CSMD1: variants seen among roughly 807,000 people sequenced by gnomAD.
CSMD1 encodes the protein CUB and sushi domain-containing protein 1.
Under a neutral mutation model 417.5 loss-of-function variants are expected in CSMD1, and 213 were observed. The observed-to-expected ratio is 0.51, with a 90% CI of 0.46 to 0.57. The LOEUF is 0.57. Ranked by LOEUF, CSMD1 falls within the 20% of genes least tolerant of loss-of-function variation. The pLI is 0.00. For missense variants in CSMD1, 6,923 were observed against 4,529.7 expected (o/e 1.53, Z -15.17); for synonymous variants, 2,862 against 1,736.8 (o/e 1.65, Z -16.11).
chr8:4,575,849 C>T (rs905149469), intron 2 of CSMD1, among the ~76,000 whole-genome samples: 1 of 152,128 alleles, frequency 6.6e-6, no homozygotes, highest in Non-Finnish European at 1.5e-5. Flanking sequence ...TCATCTCAGT[C>T]GCCTTCTAAA....
At chr8:3,232,008 A>G (rs769798575) in intron 26 of CSMD1, among the ~76,000 whole-genome samples, 14 of 152,222 alleles carry the variant, frequency 9.2e-5, no homozygotes, top group Non-Finnish European at 1.8e-4. Flanking sequence ...ATTGAAATAT[A>G]TACATGTGTG....
chr8:4,196,931 ATTTG>A (rs1344625152), intron 3 of CSMD1, among the ~76,000 whole-genome samples: 5 of 152,272 alleles, frequency 3.3e-5, no homozygotes, highest in South Asian at 2.1e-4. Context: ...TCATGTTAAA[ATTTG>A]TTTGTTCTTT....
intron 2 of CSMD1, among the ~76,000 whole-genome samples, chr8:4,451,825 T>C (rs1023626111): frequency 6.6e-6 from 1 of 152,072 alleles, no homozygotes; most frequent in Non-Finnish European, 1.5e-5. Context: ...CTTACCACAG[T>C]GAGTTTTGTT....
Position 4,384,158 on chromosome 8 carries a change from G to C in CSMD1, c.415+35795C>G, listed in dbSNP as rs1374060691. On this transcript the variant is annotated intron_variant, in intron 3 of 69. Transcript: ENST00000635120. Reference sequence around the variant, plus strand: ...TACTTGAGCCTCCTCCCTTGGGAATGCCAGGATTCTCTAAGAAAGACATCC... The same window carrying C: ...TACTTGAGCCTCCTCCCTTGGGAATCCCAGGATTCTCTAAGAAAGACATCC... 2.0e-5 allele frequency among the ~76,000 whole-genome samples: 3 copies of C among 152,138 alleles called. No individual in the cohort carries two copies. In the East Asian group the frequency reaches 5.8e-4, roughly 29 times the overall value.
Position 2,951,136 on chromosome 8 carries a change from C to T in CSMD1, c.10179G>A (p.Ser3393=), listed in dbSNP as rs767535238. The stretch of plus-strand genomic sequence containing the variant: ...TACCTGTCAACTTCAGCTCCACTGG[C>T]GAGGCTTCGCTGAAGGTGGCATTCA... The part of the protein sequence containing the change: ...SKVNATFSEA[S]PVELKLTGIY... Residue 3393 remains serine (S), a synonymous_variant, in exon 66 of 70, where the codon TCG becomes TCA. Coordinates refer to ENST00000635120, the MANE Select transcript of CSMD1 (RefSeq NM_033225.6). 5.8e-5 allele frequency: 93 copies of T among 1,613,018 alleles called. No homozygotes were observed. Among genetic ancestry groups the T allele is most frequent in the Non-Finnish European group, 7.0e-5 (82 of 1,179,452 alleles).
At chr8:3,506,646 C>T (rs1339703292) in intron 10 of CSMD1, among the ~76,000 whole-genome samples, 2 of 152,158 alleles carry the variant, frequency 1.3e-5, no homozygotes, top group Non-Finnish European at 2.9e-5. Flanking sequence ...AAACTTACAT[C>T]TGCATATTCA....
chr8:3,994,120 T>C (rs938136727), intron 5 of CSMD1, among the ~76,000 whole-genome samples: 2 of 152,202 alleles, frequency 1.3e-5, no homozygotes, highest in Non-Finnish European at 2.9e-5. Context: ...GTCATGGAAG[T>C]TAAGAATCGA....
At chr8:3,369,642 T>A (rs766810226) in intron 18 of CSMD1, among the ~76,000 whole-genome samples, 6 of 152,136 alleles carry the variant, frequency 3.9e-5, no homozygotes, top group African/African-American at 9.7e-5. Context: ...AGCCTCAGAA[T>A]TGCAGACATG....
intron 3 of CSMD1, among the ~76,000 whole-genome samples, chr8:4,060,419 A>T (rs1333367950): frequency 6.6e-6 from 1 of 152,208 alleles, no homozygotes; most frequent in South Asian, 2.1e-4. Context: ...CTCCTATTCA[A>T]CATAGTGTTG....
At chr8:3,305,839 G>C (rs529097173) in intron 25 of CSMD1, among the ~76,000 whole-genome samples, 36 of 152,082 alleles carry the variant, frequency 2.4e-4, no homozygotes, top group African/African-American at 8.2e-4. Context: ...GCCACCACGT[G>C]TGGCTAATTT....
chr8:3,926,773 T>C (rs1809761063), intron 5 of CSMD1, among the ~76,000 whole-genome samples: 1 of 140,080 alleles, frequency 7.1e-6, no homozygotes, highest in Non-Finnish European at 1.5e-5. Context: ...TGGAATGCAG[T>C]GTCGTGATCT....
intron 2 of CSMD1, among the ~76,000 whole-genome samples, chr8:4,477,777 G>A (rs1399766537): frequency 1.3e-5 from 2 of 152,158 alleles, no homozygotes. Flanking sequence ...TATTTTAAGT[G>A]AGAACTTTTA....
chr8:3,886,815 T>G (rs1166153652), intron 5 of CSMD1, among the ~76,000 whole-genome samples: 2 of 152,162 alleles, frequency 1.3e-5, no homozygotes, highest in African/African-American at 2.4e-5. Context: ...GAGGGTAGAA[T>G]AGAGATTTGA....
At chr8:4,225,440 GTATT>G (rs1421253587) in intron 3 of CSMD1, among the ~76,000 whole-genome samples, 1 of 150,086 alleles carries the variant, frequency 6.7e-6, no homozygotes, top group Non-Finnish European at 1.5e-5. Context: ...ATTCTGATGA[GTATT>G]TGTTTAGAAA....
intron 3 of CSMD1, among the ~76,000 whole-genome samples, chr8:4,048,150 A>G (rs1798244698): frequency 6.6e-6 from 1 of 152,190 alleles, no homozygotes; most frequent in Non-Finnish European, 1.5e-5. Flanking sequence ...AAAAGAATGA[A>G]TGTACGCAGT....
At chr8:3,954,826 G>A (rs918297473) in intron 5 of CSMD1, among the ~76,000 whole-genome samples, 6 of 152,130 alleles carry the variant, frequency 3.9e-5, no homozygotes, top group East Asian at 1.9e-4. Context: ...GCGAGCATGC[G>A]CAGTGTGGCA....
At chr8:3,719,239 G>C (rs13271619) in intron 6 of CSMD1, among the ~76,000 whole-genome samples, 40,769 of 151,630 alleles carry the variant, frequency 0.27, 7,119 homozygotes, top group African/African-American at 0.47. Flanking sequence ...TGTTCACCTT[G>C]CAAGGTGAAC....
At chr8:4,908,371 C>G (rs140268964) in intron 1 of CSMD1, among the ~76,000 whole-genome samples, 1 of 152,104 alleles carries the variant, frequency 6.6e-6, no homozygotes, top group Admixed American at 6.5e-5. Flanking sequence ...GTTCTCTGAC[C>G]TTCTTGGTTC....
At chr8:3,238,320 C>T (rs2116952609) in intron 26 of CSMD1, among the ~76,000 whole-genome samples, 1 of 151,996 alleles carries the variant, frequency 6.6e-6, no homozygotes, top group East Asian at 1.9e-4. Context: ...GGAATGTCAT[C>T]AGTTAAGGCA....
Sources: allele counts gnomAD v4.1 joint callset (sites outside exome capture counted in the v4.1 genomes callset), GRCh38; gene constraint gnomAD v4.1.1; transcripts MANE v1.5; gene names NCBI Gene and HGNC (gene_info 2026-07-23, HGNC 2026-07-21).